The following NOS1 variants were observed in gnomAD, a reference collection of about 807,000 sequenced individuals.
NOS1 encodes the protein nitric oxide synthase 1, also known as NOS type I.
In NOS1, 51 loss-of-function variants were observed where a neutral mutation model predicts 164.5. The ratio of observed to expected loss-of-function variants is 0.31; its 90% confidence interval spans 0.25 to 0.39. The LOEUF is 0.39. NOS1 is among the 10% of genes least tolerant of loss of function. The probability of loss-of-function intolerance (pLI) is 1.00; values close to 1 mark genes in which losing one functional copy is unlikely to be tolerated. For synonymous variants in NOS1, 719 were observed against 745.8 expected (o/e 0.96, Z 0.59); for missense variants, 1,362 against 1,885.6 (o/e 0.72, Z 5.14).
rs1956467090 is a variant in NOS1, at chr12:117,208,208, T to A, written c.*7101A>T. ...CATAATAGGCTTTTGTTGAATCCCA[T>A]AAAATTGGAAGATGAGAACTATACA... On this transcript the variant is annotated 3_prime_UTR_variant, in exon 29 of 29. Coordinates refer to ENST00000317775, the MANE Select transcript of NOS1 (RefSeq NM_000620.5). 1 of 1,137,746 alleles carries A rather than the reference T, an allele frequency of 8.8e-7. No homozygotes were observed. The highest frequency in any genetic ancestry group is 1.1e-6 in the Non-Finnish European group (1 of 875,512). The allele number at this position is 1,137,746 out of a possible 1,614,324, so 70.5% of individuals were successfully genotyped here.
At chr12:117,250,758 G>A (rs1393048553) in intron 17 of NOS1, among the ~76,000 whole-genome samples, 1 of 152,176 alleles carries the variant, frequency 6.6e-6, no homozygotes, top group African/African-American at 2.4e-5. Context: ...ACAGGAAAGG[G>A]AAACCCTACC....
intron 9 of NOS1, among the ~76,000 whole-genome samples, chr12:117,275,868 C>T (rs183010918): frequency 2.0e-5 from 3 of 151,696 alleles, no homozygotes; most frequent in Admixed American, 1.3e-4. Context: ...TAGCAACTCC[C>T]CTTGATTTTA....
At chr12:117,235,213 C>T (rs1161801863) in intron 20 of NOS1, among the ~76,000 whole-genome samples, 1 of 152,116 alleles carries the variant, frequency 6.6e-6, no homozygotes, top group Non-Finnish European at 1.5e-5. Flanking sequence ...CCACAATGCT[C>T]AGCCATCATT....
chr12:117,340,064 GT>G (rs1212010130), intron 1 of NOS1, among the ~76,000 whole-genome samples: 1 of 152,036 alleles, frequency 6.6e-6, no homozygotes, highest in Non-Finnish European at 1.5e-5. Flanking sequence ...GAGGGCAGTG[GT>G]GTAATAACAG....
chr12:117,235,357 T>G (rs1869617587), intron 20 of NOS1, among the ~76,000 whole-genome samples: 1 of 152,058 alleles, frequency 6.6e-6, no homozygotes, highest in Admixed American at 6.6e-5. Context: ...ACTCCCTTCT[T>G]TTGGATTCTA....
rs570874524 is a variant in NOS1, at chr12:117,332,302, C to T, written c.-420-813G>A. ...ATTTCTCCTTTGATCCTCACGATAACCCCTCAAGAGAAGAGGAAAGGGAAG... is the reference window on the plus strand; with the variant it reads ...ATTTCTCCTTTGATCCTCACGATAATCCCTCAAGAGAAGAGGAAAGGGAAG... On this transcript the variant is annotated intron_variant, in intron 1 of 28. Transcript: ENST00000317775. Among the ~76,000 whole-genome samples, 5 of 152,276 alleles carry T rather than the reference C, an allele frequency of 3.3e-5. No homozygotes were observed. The South Asian group carries it at 1.0e-3, about 32-fold the overall frequency.
chr12:117,351,441 T>C (rs1876614907), intron 1 of NOS1, among the ~76,000 whole-genome samples: 1 of 152,194 alleles, frequency 6.6e-6, no homozygotes, highest in Non-Finnish European at 1.5e-5. Context: ...TAAGCACCCC[T>C]TTGTTGGTGC....
At chr12:117,312,948 G>A (rs1021284912) in intron 2 of NOS1, among the ~76,000 whole-genome samples, 2 of 151,898 alleles carry the variant, frequency 1.3e-5, no homozygotes, top group African/African-American at 4.8e-5. Context: ...CATTCTCATT[G>A]TTACCATCAT....
chr12:117,354,455 C>A (rs185546363), intron 1 of NOS1, among the ~76,000 whole-genome samples: 1 of 151,178 alleles, frequency 6.6e-6, no homozygotes, highest in East Asian at 1.9e-4. Flanking sequence ...TACCTGTTTT[C>A]TGGCACATGA....
rs1009992293 is a variant in NOS1 at position 117,261,943 on chromosome 12, G to C, written c.2223-1334C>G. 2.6e-5 allele frequency among the ~76,000 whole-genome samples: 4 copies of C among 152,240 alleles called. No individual in the cohort carries two copies. The East Asian group carries it at 7.7e-4, about 29-fold the overall frequency. ...TCTACTGGGCAGGGCGAGTTCCAGGGGCACTAGCAGACAGGCCAGAGGCTC... is the reference window on the plus strand; with the variant it reads ...TCTACTGGGCAGGGCGAGTTCCAGGCGCACTAGCAGACAGGCCAGAGGCTC... On this transcript the variant is annotated intron_variant, in intron 13 of 28. Transcript: ENST00000317775.
chr12:117,287,559 A>G (rs1872792064), intron 5 of NOS1, among the ~76,000 whole-genome samples: 1 of 151,970 alleles, frequency 6.6e-6, no homozygotes, highest in Non-Finnish European at 1.5e-5. Flanking sequence ...ATGCCTCAGC[A>G]TCCCAAGTAG....
intron 16 of NOS1, among the ~76,000 whole-genome samples, chr12:117,257,449 T>C (rs1420142361): frequency 6.6e-6 from 1 of 152,104 alleles, no homozygotes; most frequent in Admixed American, 6.5e-5. Context: ...AATCCCACAT[T>C]AGATGCGGTT....
chr12:117,276,957 A>G (rs749309715), intron 9 of NOS1, among the ~76,000 whole-genome samples: 1 of 152,184 alleles, frequency 6.6e-6, no homozygotes, highest in Non-Finnish European at 1.5e-5. Flanking sequence ...AAGGGTACAG[A>G]TATCTCTTCG....
intron 3 of NOS1, among the ~76,000 whole-genome samples, chr12:117,298,047 G>A (rs9658315): frequency 0.021 from 3,139 of 151,966 alleles, 120 homozygotes; most frequent in African/African-American, 0.072. Flanking sequence ...TGATTCAAGG[G>A]CATTACATTG....
Position 117,217,695 on chromosome 12 carries a change from A to T in NOS1, c.4289+351T>A, listed in dbSNP as rs1476915412. On this transcript the variant is annotated intron_variant, in intron 28 of 28. Coordinates refer to ENST00000317775, the MANE Select transcript of NOS1 (RefSeq NM_000620.5). The stretch of plus-strand genomic sequence containing the variant: ...ACTCCAACCTGGAGTACAGAGCAAG[A>T]CTCCGTCAAAAAAAAAAAAGCAACT... Among the ~76,000 whole-genome samples the T allele has an allele frequency of 2.7e-5, 4 of 147,252 alleles. No homozygotes were observed. In the Admixed American group the frequency reaches 2.9e-4, roughly 11 times the overall value.
At chr12:117,274,769 CAAA>C (rs71099039) in intron 9 of NOS1, among the ~76,000 whole-genome samples, 2 of 77,012 alleles carry the variant, frequency 2.6e-5, no homozygotes, top group Non-Finnish European at 4.5e-5. Context: ...CTCCGTCTCA[CAAA>C]AAAAAAAAAA....
chr12:117,303,275 G>T (rs1251181290), intron 3 of NOS1, among the ~76,000 whole-genome samples: 1 of 152,168 alleles, frequency 6.6e-6, no homozygotes, highest in Non-Finnish European at 1.5e-5. Context: ...GATTGGGAAA[G>T]AAACGGCCCG....
intron 2 of NOS1, among the ~76,000 whole-genome samples, chr12:117,322,869 C>T (rs970501070): frequency 1.4e-5 from 2 of 141,316 alleles, no homozygotes; most frequent in African/African-American, 5.4e-5. Flanking sequence ...TCCCTCCCTC[C>T]TTCTTTCATG....
In NOS1 at chr12:117,266,094, C is replaced by T. The variant is rs9658393; in HGVS notation, c.1942-584G>A. Reference sequence around the variant, plus strand: ...GATTACAGGTGTGAGCCACCGTGCCCGGCCTTTTTCTTTTTCTATTTTTTA... The same window carrying T: ...GATTACAGGTGTGAGCCACCGTGCCTGGCCTTTTTCTTTTTCTATTTTTTA... On this transcript the variant is annotated intron_variant, in intron 11 of 28. Transcript: ENST00000317775. Among the ~76,000 whole-genome samples the T allele has an allele frequency of 8.2e-4, 125 of 151,986 alleles. 1 individual carries two copies. Among genetic ancestry groups the T allele is most frequent in the African/African-American group, 7.2e-4 (30 of 41,436 alleles).
Sources: gnomAD v4.1 joint callset for allele counts (sites outside exome capture counted in the v4.1 genomes callset) on GRCh38, gnomAD v4.1.1 for gene constraint, MANE v1.5 for transcripts, NCBI Gene and HGNC (gene_info 2026-07-23, HGNC 2026-07-21) for gene names.